The following TMEM9B variants were observed in gnomAD, a reference collection of about 807,000 sequenced individuals.
TMEM9B encodes the protein TMEM9 domain family member B.
A neutral mutation model predicts 23.5 loss-of-function variants in TMEM9B; 8 were observed. The observed-to-expected ratio is 0.34, with a 90% CI of 0.20 to 0.61. TMEM9B has a LOEUF of 0.61. TMEM9B is among the 20% of genes least tolerant of loss of function. The pLI is 0.78. For synonymous variants in TMEM9B, 106 were observed against 96.3 expected, an observed-to-expected ratio of 1.10 and a Z score of -0.59; for missense variants, 197 against 252.3, an observed-to-expected ratio of 0.78 and a Z score of 1.49.
At chr11:8,964,038 G>T in intron 1 of TMEM9B, 171 bp downstream of exon 1, 1 of 659,756 alleles carries the variant, frequency 1.5e-6, no homozygotes, top group Non-Finnish European at 2.5e-6. Context: ...CGAGAGTGCC[G>T]CCGGGCAGTC....
chr11:8,950,216 T>A (rs1365303078), intron 4 of TMEM9B, among the ~76,000 whole-genome samples: 1 of 152,152 alleles, frequency 6.6e-6, no homozygotes, highest in Non-Finnish European at 1.5e-5. Flanking sequence ...CCCAAGGTCA[T>A]TTAACAAATT....
intron 4 of TMEM9B, among the ~76,000 whole-genome samples, chr11:8,948,699 GA>G (rs35420390): frequency 3.9e-5 from 6 of 152,162 alleles, no homozygotes. Context: ...GAGTATTTGT[GA>G]AACGTTCCCA....
chr11:8,956,132 A>T (rs560778042), intron 3 of TMEM9B, 58 bp downstream of exon 3: 267 of 1,523,776 alleles, frequency 1.8e-4, no homozygotes, highest in Admixed American at 6.6e-4. Flanking sequence ...AACCATCCAG[A>T]AGCAGAAAAG....
At chr11:8,952,813 C>G (rs1039985324) in intron 4 of TMEM9B, 1 of 390,912 alleles carries the variant, frequency 2.6e-6, no homozygotes, top group Non-Finnish European at 4.6e-6. Flanking sequence ...CTTCACACTT[C>G]CCTTGATGAA....
In TMEM9B at chr11:8,962,316, TAACA is replaced by T. The variant is rs940270704; in HGVS notation, c.106-137_106-134del. 2.6e-4 allele frequency: 151 copies of T among 591,182 alleles called. 1 individual carries two copies. In the African/African-American group the frequency reaches 2.8e-3, roughly 11 times the overall value. The allele number at this position is 591,182 out of a possible 1,614,324, so 36.6% of individuals were successfully genotyped here. A position where few individuals can be genotyped will look rare whatever the true frequency, so the allele number is the denominator to read the frequency against. The stretch of plus-strand genomic sequence containing the variant: ...TTCTAAAATCATTCATTTAAAACTT[TAACA>T]GACACAGTTTTTAAAAGCCACAGTC... On this transcript the variant is annotated intron_variant, in intron 1 of 4. Transcript: ENST00000534025.
At chr11:8,959,538 C>G (rs767030732) in intron 2 of TMEM9B, among the ~76,000 whole-genome samples, 2 of 152,204 alleles carry the variant, frequency 1.3e-5, no homozygotes, top group African/African-American at 4.8e-5. Flanking sequence ...GCTTTGGCAA[C>G]AATACCTAAG....
At position 8,947,833 on chromosome 11, in the gene TMEM9B, G is replaced by GAAA. The variant is rs2134856875; in HGVS notation, c.*484_*486dup. 1.3e-5 allele frequency: 2 copies of GAAA among 155,280 alleles called. No individual in the cohort carries two copies. The highest frequency in any genetic ancestry group is 3.9e-4 in the South Asian group (2 of 5,102). 9.6% of individuals were successfully genotyped at this position (155,280 alleles called of 1,614,324 possible). A position where few individuals can be genotyped will look rare whatever the true frequency, so the allele number is the denominator to read the frequency against. The stretch of plus-strand genomic sequence containing the variant: ...GCTGGCTACACTGCAAAATATAAAT[G>GAAA]AAACTCGAAAATAGAAGGTAAGGTC... On this transcript the variant is annotated 3_prime_UTR_variant, in exon 5 of 5. Coordinates refer to ENST00000534025, the MANE Select transcript of TMEM9B (RefSeq NM_020644.3).
rs1853796357 is a variant in TMEM9B at position 8,947,774 on chromosome 11, A to G, written c.*546T>C. On this transcript the variant is annotated 3_prime_UTR_variant, in exon 5 of 5. Transcript: ENST00000534025. ...GATACCCAGATAATACAGTCAGTGC[A>G]AAAGTCAAATGAGTAAGTCAGCTCT... 1 of 153,422 alleles carries G rather than the reference A, an allele frequency of 6.5e-6. No homozygotes were observed. Among genetic ancestry groups the G allele is most frequent in the Non-Finnish European group, 1.5e-5 (1 of 68,586 alleles). 9.5% of individuals were successfully genotyped at this position (153,422 alleles called of 1,614,324 possible).
chr11:8,958,601 T>C (rs1410566161), intron 2 of TMEM9B, among the ~76,000 whole-genome samples: 4 of 149,150 alleles, frequency 2.7e-5, no homozygotes, highest in Non-Finnish European at 4.4e-5. Context: ...AGACAGAGTT[T>C]CACTCTTGTT....
upstream of TMEM9B, chr11:8,964,450 A>G: frequency 7.0e-7 from 1 of 1,424,864 alleles, no homozygotes; most frequent in East Asian, 2.7e-5. Flanking sequence ...TCTGGACGCG[A>G]AGGCGTCACC....
At chr11:8,949,534 A>C (rs1853838598) in intron 4 of TMEM9B, among the ~76,000 whole-genome samples, 1 of 152,200 alleles carries the variant, frequency 6.6e-6, no homozygotes, top group Admixed American at 6.5e-5. Context: ...AAACAACATT[A>C]TTTTGCTGTG....
intron 1 of TMEM9B, 74 bp from the exon 2 acceptor site, chr11:8,962,257 AT>A: frequency 1.0e-6 from 1 of 966,616 alleles, no homozygotes. Flanking sequence ...TACCATATAC[AT>A]TTTGCCAAGC....
chr11:8,963,366 T>A (rs1015124498), intron 1 of TMEM9B, among the ~76,000 whole-genome samples: 1 of 152,228 alleles, frequency 6.6e-6, no homozygotes, highest in African/African-American at 2.4e-5. Flanking sequence ...TGTTTTCCCA[T>A]CATACTAATG....
chr11:8,956,589 A>C (rs1853978694), intron 2 of TMEM9B, among the ~76,000 whole-genome samples: 1 of 152,160 alleles, frequency 6.6e-6, no homozygotes, highest in African/African-American at 2.4e-5. Flanking sequence ...TGGGATGAAA[A>C]ACTACTTAAC....
In TMEM9B at chr11:8,953,193, G is replaced by T; in HGVS notation, c.441+10C>A. On this transcript the variant is annotated intron_variant, in intron 4 of 4. Transcript: ENST00000534025. ...TGGCCATGAGCAGCTAGGGCAGGCT[G>T]GGAACTTACCCCAATATCATCATCA... The T allele has an allele frequency of 1.2e-6, 2 of 1,614,106 alleles. No homozygotes were observed. The highest frequency in any genetic ancestry group is 1.7e-6 in the Non-Finnish European group (2 of 1,180,010).
At chr11:8,959,123 G>C (rs1156595347) in intron 2 of TMEM9B, among the ~76,000 whole-genome samples, 1 of 152,174 alleles carries the variant, frequency 6.6e-6, no homozygotes, top group African/African-American at 2.4e-5. Flanking sequence ...CTCAGGCTTA[G>C]AGAAGGTCAC....
chr11:8,959,647 G>A (rs1194039844), intron 2 of TMEM9B, among the ~76,000 whole-genome samples: 1 of 152,184 alleles, frequency 6.6e-6, no homozygotes, highest in African/African-American at 2.4e-5. Flanking sequence ...TGCAAAAGTT[G>A]TGCCCAGCTG....
At chr11:8,956,119 A>C in intron 3 of TMEM9B, 71 bp downstream of exon 3, 1 of 1,450,842 alleles carries the variant, frequency 6.9e-7, no homozygotes, top group Non-Finnish European at 9.4e-7. Context: ...TGTCTTGTCT[A>C]GAAACCATCC....
At chr11:8,949,261 A>G (rs1267388277) in intron 4 of TMEM9B, among the ~76,000 whole-genome samples, 4 of 152,202 alleles carry the variant, frequency 2.6e-5, no homozygotes. Context: ...TAGAAAACCA[A>G]CCTAACCTGG....
Sources: allele counts gnomAD v4.1 joint callset (sites outside exome capture counted in the v4.1 genomes callset), GRCh38; gene constraint gnomAD v4.1.1; transcripts MANE v1.5; gene names NCBI Gene and HGNC (gene_info 2026-07-23, HGNC 2026-07-21).